USP15: variants seen among roughly 807,000 people sequenced by gnomAD.
USP15 encodes the protein ubiquitin specific peptidase 15, also known as ubiquitin carboxyl-terminal hydrolase 15.
Under a neutral mutation model 127.1 loss-of-function variants are expected in USP15, and 18 were observed. The ratio of observed to expected loss-of-function variants is 0.14; its 90% confidence interval spans 0.10 to 0.21. USP15 has a LOEUF of 0.21. Ranked by LOEUF, USP15 falls within the 10% of genes least tolerant of loss-of-function variation. The pLI, the probability that USP15 is intolerant of heterozygous loss-of-function variation, is 1.00. For missense variants in USP15, 805 were observed against 1,159.9 expected (o/e 0.69, Z 4.44); for synonymous variants, 364 against 393.7 (o/e 0.92, Z 0.89).
At chr12:62,280,442 G>T (rs1019190542) in intron 1 of USP15, among the ~76,000 whole-genome samples, 3 of 152,178 alleles carry the variant, frequency 2.0e-5, no homozygotes, top group Admixed American at 2.0e-4. Context: ...CTGGAGGCTG[G>T]TAAGTCCAAG....
At chr12:62,366,870 T>G (rs1352389567) in intron 8 of USP15, among the ~76,000 whole-genome samples, 1 of 152,232 alleles carries the variant, frequency 6.6e-6, no homozygotes, top group Non-Finnish European at 1.5e-5. Context: ...TTGCATATGT[T>G]GAACCAGCCT....
At chr12:62,397,533 CT>C (rs1466003647) in intron 20 of USP15, among the ~76,000 whole-genome samples, 11 of 151,180 alleles carry the variant, frequency 7.3e-5, no homozygotes, top group African/African-American at 2.7e-4. Flanking sequence ...TATTTTTGTC[CT>C]TTTTTCATTC....
intron 6 of USP15, chr12:62,335,424 G>A (rs761894919): frequency 1.0e-5 from 14 of 1,378,456 alleles, no homozygotes; most frequent in Non-Finnish European, 1.0e-5. Context: ...TTTACCTGTC[G>A]ACCACATCCA....
chr12:62,366,694 A>T (rs982514304), intron 8 of USP15, among the ~76,000 whole-genome samples: 2 of 152,144 alleles, frequency 1.3e-5, no homozygotes, highest in East Asian at 3.9e-4. Flanking sequence ...GTTTGTCATA[A>T]ATAGCTCTTA....
At chr12:62,276,319 A>C (rs1438308460) in intron 1 of USP15, among the ~76,000 whole-genome samples, 1 of 152,156 alleles carries the variant, frequency 6.6e-6, no homozygotes, top group Non-Finnish European at 1.5e-5. Context: ...TAGCCTGTTC[A>C]TCACAAAACA....
At chr12:62,285,907 C>T (rs1395904680) in intron 1 of USP15, among the ~76,000 whole-genome samples, 1 of 152,036 alleles carries the variant, frequency 6.6e-6, no homozygotes, top group Non-Finnish European at 1.5e-5. Flanking sequence ...CCTCCATTCC[C>T]ACCATTCCTT....
chr12:62,343,920 GA>G (rs934824672), intron 6 of USP15, among the ~76,000 whole-genome samples: 1 of 152,072 alleles, frequency 6.6e-6, no homozygotes, highest in Non-Finnish European at 1.5e-5. Context: ...GAACAGCATG[GA>G]AAAGACTCGC....
chr12:62,312,597 T>C lies in USP15; in HGVS notation c.349-2193T>C, dbSNP rs537068784. ...ATTTCATCATGTACTCACTTTTTAT[T>C]TATGGTAATATAACAGTGTTATAAT... On this transcript the variant is annotated intron_variant, in intron 3 of 21. Coordinates refer to ENST00000280377, the MANE Select transcript of USP15 (RefSeq NM_001252078.2). Among the ~76,000 whole-genome samples, 49 of 151,782 alleles carry C rather than the reference T, an allele frequency of 3.2e-4. 1 individual carries two copies. The South Asian group carries it at 9.9e-3, about 31-fold the overall frequency.
chr12:62,310,186 TTAG>T (rs1163502243), intron 3 of USP15, among the ~76,000 whole-genome samples: 1 of 151,958 alleles, frequency 6.6e-6, no homozygotes. Context: ...TTTGTACAAA[TTAG>T]TGGTGTACAT....
chr12:62,378,165 CCACTG>C (rs1455521663), intron 8 of USP15, among the ~76,000 whole-genome samples: 1 of 151,754 alleles, frequency 6.6e-6, no homozygotes, highest in African/African-American at 2.4e-5. Flanking sequence ...CAAGATTGTG[CCACTG>C]CACTCCAGCC....
chr12:62,378,756 T>A (rs1416230988), intron 8 of USP15, among the ~76,000 whole-genome samples: 1 of 152,230 alleles, frequency 6.6e-6, no homozygotes, highest in Admixed American at 6.5e-5. Context: ...TACTTGAAGA[T>A]ATTTTTGAGA....
At chr12:62,363,224 G>C (rs756112633) in intron 8 of USP15, among the ~76,000 whole-genome samples, 1 of 151,926 alleles carries the variant, frequency 6.6e-6, no homozygotes, top group Non-Finnish European at 1.5e-5. Flanking sequence ...CCAGCAATTC[G>C]TTTCAAACCT....
chr12:62,362,305 ATGT>A (rs2066343720), intron 8 of USP15, among the ~76,000 whole-genome samples: 1 of 152,146 alleles, frequency 6.6e-6, no homozygotes, highest in Non-Finnish European at 1.5e-5. Context: ...GTATATTCAC[ATGT>A]TGTACAATTA....
Position 62,404,420 on chromosome 12 carries a change from T to TC in USP15, c.*45_*46insC. On this transcript the variant is annotated 3_prime_UTR_variant, in exon 22 of 22. Coordinates refer to ENST00000280377, the MANE Select transcript of USP15 (RefSeq NM_001252078.2). ...AAAAGAGACACTTTCCTGCTGGTGGTATCTATGGAAATGATGAAGTTACCC... is the reference window on the plus strand; with the variant it reads ...AAAAGAGACACTTTCCTGCTGGTGGTCATCTATGGAAATGATGAAGTTACCC... The TC allele has an allele frequency of 6.7e-7, 1 of 1,499,390 alleles. No homozygotes were observed. Among genetic ancestry groups the TC allele is most frequent in the Non-Finnish European group, 8.9e-7 (1 of 1,120,944 alleles). 92.9% of individuals were successfully genotyped at this position (1,499,390 alleles called of 1,614,324 possible). A position where few individuals can be genotyped will look rare whatever the true frequency, so the allele number is the denominator to read the frequency against.
At position 62,403,206 on chromosome 12, in the gene USP15, C is replaced by A. The variant is rs200317341; in HGVS notation, c.2764-987C>A. 8.6e-5 allele frequency among the ~76,000 whole-genome samples: 13 copies of A among 152,042 alleles called. No homozygotes were observed. The East Asian group carries it at 2.5e-3, about 29-fold the overall frequency. On this transcript the variant is annotated intron_variant, in intron 21 of 21. Coordinates refer to ENST00000280377, the MANE Select transcript of USP15 (RefSeq NM_001252078.2). ...TAGGTTATACATTTGAGTTGTCAGC[C>A]TCAGGCAGCAGTTGAAGCCATAGGT... is the stretch of plus-strand genomic sequence containing the variant.
intron 3 of USP15, among the ~76,000 whole-genome samples, chr12:62,304,260 AG>A (rs1056773241): frequency 2.6e-5 from 4 of 152,314 alleles, no homozygotes; most frequent in Middle Eastern, 3.4e-3. Flanking sequence ...CACAAGTAGA[AG>A]AAAAAACATT....
intron 1 of USP15, among the ~76,000 whole-genome samples, 168 bp downstream of exon 1, chr12:62,260,671 T>G (rs911403820): frequency 2.0e-5 from 3 of 152,034 alleles, no homozygotes; most frequent in African/African-American, 7.2e-5. Context: ...AAGGTTGGAC[T>G]CTAGATGAGG....
intron 6 of USP15, among the ~76,000 whole-genome samples, chr12:62,329,541 T>G (rs2065224721): frequency 1.3e-5 from 2 of 151,930 alleles, no homozygotes; most frequent in Admixed American, 1.3e-4. Flanking sequence ...CTTTGGAACT[T>G]TTAAAACCTA....
intron 6 of USP15, among the ~76,000 whole-genome samples, chr12:62,348,390 G>C (rs1331793660): frequency 6.6e-6 from 1 of 152,048 alleles, no homozygotes; most frequent in Non-Finnish European, 1.5e-5. Context: ...TTGTTCGTTA[G>C]CATAATATTT....
Sources: gnomAD v4.1 joint callset for allele counts (sites outside exome capture counted in the v4.1 genomes callset) on GRCh38, gnomAD v4.1.1 for gene constraint, MANE v1.5 for transcripts, NCBI Gene and HGNC (gene_info 2026-07-23, HGNC 2026-07-21) for gene names.